PLOD1: variants seen among roughly 807,000 people sequenced by gnomAD.
PLOD1 encodes the protein lysine hydroxylase.
A neutral mutation model predicts 94.7 loss-of-function variants in PLOD1; 70 were observed. That is an observed-to-expected ratio of 0.74 (90% CI 0.61 to 0.90). PLOD1 has a LOEUF of 0.90. Ranked by LOEUF, PLOD1 falls within the 40% of genes least tolerant of loss-of-function variation. The pLI is 0.00. For missense variants in PLOD1, 905 were observed against 972.7 expected (o/e 0.93, Z 0.93); for synonymous variants, 417 against 400.2 (o/e 1.04, Z -0.50).
intron 16 of PLOD1, 61 bp from the exon 17 acceptor site, chr1:11,970,606 GAGT>G: frequency 3.4e-6 from 5 of 1,482,394 alleles, no homozygotes; most frequent in Non-Finnish European, 4.7e-6. Context: ...TAGGAGAGGG[GAGT>G]AGACAGAGCC....
Position 11,958,495 on chromosome 1 carries a change from G to A in PLOD1, c.844-21G>A, listed in dbSNP as rs1364228146. ...TGTGACTGGACACTGCTGGACTCTT[G>A]TGCCGCCCTCCCTGGTGCAGGATGA... On this transcript the variant is annotated intron_variant, in intron 8 of 18. Transcript: ENST00000196061. The surrounding 1 kb of genome is among the most constrained non-coding windows in gnomAD (Gnocchi z 4.3). The A allele has an allele frequency of 6.2e-7, 1 of 1,612,784 alleles. No individual in the cohort carries two copies. The highest frequency in any genetic ancestry group is 1.3e-5 in the African/African-American group (1 of 75,016).
rs1285081495 is a variant in PLOD1, at chr1:11,964,760, C to A, written c.1445C>A (p.Ala482Asp). 1 of 1,613,690 alleles carries A rather than the reference C, an allele frequency of 6.2e-7. No individual in the cohort carries two copies. The highest frequency in any genetic ancestry group is 1.1e-5 in the South Asian group (1 of 91,086). The change falls in exon 13 of 19, where the codon GCC becomes GAC. Residue 482 changes from alanine to aspartate, a missense_variant. Physicochemically the swap from Ala to Asp is moderately radical, Grantham distance 126. Coordinates refer to ENST00000196061, the MANE Select transcript of PLOD1 (RefSeq NM_000302.4). ...FHHSKLDPDM[A>D]FCANIRQQDV... is the part of the protein sequence containing the mutation. The stretch of plus-strand genomic sequence containing the variant: ...CACAGCAAGCTGGACCCCGACATGG[C>A]CTTCTGTGCCAACATCCGGCAGCAG...
At chr1:11,947,842 G>T in intron 1 of PLOD1, 134 bp from the exon 2 acceptor site, 2 of 695,772 alleles carry the variant, frequency 2.9e-6, no homozygotes, top group East Asian at 2.6e-5. Flanking sequence ...TTTCTTCCCT[G>T]GGCCCTGTTC....
In PLOD1 at chr1:11,958,328, C is replaced by T. The variant is rs545846389; in HGVS notation, c.844-188C>T. Among the ~76,000 whole-genome samples the T allele has an allele frequency of 2.0e-5, 3 of 152,210 alleles. No homozygotes were observed. The highest frequency in any genetic ancestry group is 7.2e-5 in the African/African-American group (3 of 41,528). ...GCCTGGGCTCCTGCTGCTCTCTCCC[C>T]GGGGCACCCTCCTGCTGCTTCCCTG... is the stretch of plus-strand genomic sequence containing the variant. On this transcript the variant is annotated intron_variant, in intron 8 of 18. Coordinates refer to ENST00000196061, the MANE Select transcript of PLOD1 (RefSeq NM_000302.4). The surrounding 1 kb of genome is among the most constrained non-coding windows in gnomAD (Gnocchi z 4.3).
At chr1:11,942,750 T>C (rs1645623438) in intron 1 of PLOD1, among the ~76,000 whole-genome samples, 1 of 152,120 alleles carries the variant, frequency 6.6e-6, no homozygotes, top group African/African-American at 2.4e-5. Context: ...TTCCCAAATG[T>C]GGCTGACATC....
At chr1:11,948,140 A>G (rs936910859) in intron 2 of PLOD1, 73 bp downstream of exon 2, 1 of 1,008,542 alleles carries the variant, frequency 9.9e-7, no homozygotes, top group African/African-American at 1.6e-5. Context: ...GTCCTTTCCA[A>G]ACTACCACGT....
rs184705027 is a variant in PLOD1 at position 11,952,940 on chromosome 1, G to T, written c.579+205G>T. The stretch of plus-strand genomic sequence containing the variant: ...TGGAGGCCGGAAGGGTGAGATCACA[G>T]TTGGGTTCTGGTCAGAGCCCTCTAA... On this transcript the variant is annotated intron_variant, in intron 5 of 18. Coordinates refer to ENST00000196061, the MANE Select transcript of PLOD1 (RefSeq NM_000302.4). 9.2e-5 allele frequency among the ~76,000 whole-genome samples: 14 copies of T among 152,320 alleles called. No individual in the cohort carries two copies. The East Asian group carries it at 2.7e-3, about 29-fold the overall frequency.
At chr1:11,935,030 C>T (rs1645568896) in intron 1 of PLOD1, among the ~76,000 whole-genome samples, 175 bp downstream of exon 1, 1 of 152,194 alleles carries the variant, frequency 6.6e-6, no homozygotes, top group Non-Finnish European at 1.5e-5. Context: ...CCTCTTGGGG[C>T]TGCGGTTCCT....
intron 5 of PLOD1, among the ~76,000 whole-genome samples, 183 bp downstream of exon 5, chr1:11,952,918 A>C (rs1645713354): frequency 6.6e-6 from 1 of 152,104 alleles, no homozygotes; most frequent in Non-Finnish European, 1.5e-5. Flanking sequence ...ATGGTTCTGG[A>C]GGCCGGAAGG....
intron 5 of PLOD1, 106 bp downstream of exon 5, chr1:11,952,841 C>G (rs371570868): frequency 1.3e-6 from 1 of 757,526 alleles, no homozygotes; most frequent in Non-Finnish European, 2.3e-6. Flanking sequence ...GTGTCTTAGT[C>G]TATGCAGGCT....
chr1:11,964,323 T>TGGG, intron 12 of PLOD1, 23 bp downstream of exon 12: 4 of 274,724 alleles, frequency 1.5e-5, no homozygotes, highest in Admixed American at 4.2e-5. Flanking sequence ...AGGGTGGGGG[T>TGGG]GGGTGGGGGA....
rs1645827137 is a variant in PLOD1, at chr1:11,967,524, G to A, written c.1755+433G>A. Among the ~76,000 whole-genome samples, 2 of 142,072 alleles carry A rather than the reference G, an allele frequency of 1.4e-5. 1 individual carries two copies. Among genetic ancestry groups the A allele is most frequent in the African/African-American group, 5.6e-5 (2 of 35,442 alleles). The allele number at this position is 142,072 out of a possible 152,430, so 93.2% of individuals were successfully genotyped here. A position where few individuals can be genotyped will look rare whatever the true frequency, so the allele number is the denominator to read the frequency against. On this transcript the variant is annotated intron_variant, in intron 16 of 18. Coordinates refer to ENST00000196061, the MANE Select transcript of PLOD1 (RefSeq NM_000302.4). ...GCTAGGCCCTGTGTTCTCTCCGTGA[G>A]AATCCCAACACCTGTTCCTGTCCTG...
rs1645893776 is a variant in PLOD1 at position 11,974,928 on chromosome 1, G to A, written c.*120G>A. 2 of 924,760 alleles carry A rather than the reference G, an allele frequency of 2.2e-6. No individual in the cohort carries two copies. The highest frequency in any genetic ancestry group is 3.5e-5 in the Admixed American group (2 of 57,814). 57.3% of individuals were successfully genotyped at this position (924,760 alleles called of 1,614,324 possible). On this transcript the variant is annotated 3_prime_UTR_variant, in exon 19 of 19. Transcript: ENST00000196061. ...GCCTCCTGGCTGTTGACTTCCCATT[G>A]CTCTTGGAGCCACCAATCAAAGAGA...
At chr1:11,941,779 C>T (rs1044135120) in intron 1 of PLOD1, among the ~76,000 whole-genome samples, 2 of 152,076 alleles carry the variant, frequency 1.3e-5, no homozygotes, top group African/African-American at 2.4e-5. Context: ...CCACCGCGCC[C>T]GGACTAGTAG....
At chr1:11,964,818 C>T in intron 13 of PLOD1, 33 bp downstream of exon 13, 3 of 1,611,808 alleles carry the variant, frequency 1.9e-6, no homozygotes, top group Non-Finnish European at 2.5e-6. Context: ...AGGACGCCCT[C>T]TGGATGGGGC....
Position 11,951,293 on chromosome 1 carries a change from C to G in PLOD1, c.466+773C>G, listed in dbSNP as rs190092745. Among the ~76,000 whole-genome samples, 965 of 151,972 alleles carry G rather than the reference C, an allele frequency of 6.3e-3. 13 individuals are homozygous for G. The highest frequency in any genetic ancestry group is 0.021 in the African/African-American group (876 of 41,474). The stretch of plus-strand genomic sequence containing the variant: ...AACGATGCAAATCCAAGGCCAGGCG[C>G]GGTGGCTCACGCCTGTAATGTCAGC... On this transcript the variant is annotated intron_variant, in intron 4 of 18. Transcript: ENST00000196061.
In PLOD1 at chr1:11,973,580, C is replaced by CT. The variant is rs976516109; in HGVS notation, c.2028+593dup. Among the ~76,000 whole-genome samples, 825 of 148,054 alleles carry CT rather than the reference C, an allele frequency of 5.6e-3. 6 individuals carry two copies. The highest frequency in any genetic ancestry group is 0.019 in the African/African-American group (765 of 39,956). ...AACACTCATAAAAACAGCTATAATC[C>CT]TTTTTTTTTTCTTTTTCGAGACAGG... On this transcript the variant is annotated intron_variant, in intron 18 of 18. Transcript: ENST00000196061.
chr1:11,941,752 A>G (rs143429967), intron 1 of PLOD1, among the ~76,000 whole-genome samples: 3,890 of 152,000 alleles, frequency 0.026, 163 homozygotes, highest in African/African-American at 0.088. Context: ...TCAAAGTGCT[A>G]GGATAACAGG....
At chr1:11,940,537 AT>A (rs1645608570) in intron 1 of PLOD1, among the ~76,000 whole-genome samples, 1 of 152,082 alleles carries the variant, frequency 6.6e-6, no homozygotes. Flanking sequence ...TATTATTCCC[AT>A]TTTACAGATG....
Sources: gnomAD v4.1 joint callset for allele counts (sites outside exome capture counted in the v4.1 genomes callset) on GRCh38, gnomAD v4.1.1 for gene constraint, Gnocchi (gnomAD v3.1) non-coding constraint, MANE v1.5 for transcripts, NCBI Gene and HGNC (gene_info 2026-07-23, HGNC 2026-07-21) for gene names.